The following SORD variants were observed in gnomAD, a reference collection of about 807,000 sequenced individuals.
SORD encodes the protein (R,R)-butanediol dehydrogenase.
A neutral mutation model predicts 35.6 loss-of-function variants in SORD; 18 were observed. The observed-to-expected ratio is 0.51, with a 90% CI of 0.35 to 0.75. The LOEUF (loss-of-function observed/expected upper bound fraction) is 0.75, where lower values mean the gene tolerates loss of function less well. Among genes scored for constraint, SORD ranks in the 30% least tolerant of loss-of-function variants. The probability of loss-of-function intolerance (pLI) is 0.01; values close to 1 mark genes in which losing one functional copy is unlikely to be tolerated. For missense variants in SORD, 250 were observed against 390.2 expected (o/e 0.64, Z 3.03); for synonymous variants, 106 against 152.9 (o/e 0.69, Z 2.26).
intron 1 of SORD, among the ~76,000 whole-genome samples, chr15:45,029,920 A>G (rs202240079): frequency 0.21 from 31,172 of 150,732 alleles, no homozygotes; most frequent in African/African-American, 0.44. Flanking sequence ...GGCACAGGAT[A>G]GGAAGTGCGT....
chr15:45,025,099 T>G (rs1482242010), intron 1 of SORD, among the ~76,000 whole-genome samples: 1 of 152,206 alleles, frequency 6.6e-6, no homozygotes, highest in Non-Finnish European at 1.5e-5. Context: ...AGCTTTGCAT[T>G]AGAACCCACT....
At chr15:45,053,517 C>T (rs990404637) in intron 3 of SORD, among the ~76,000 whole-genome samples, 21 of 152,128 alleles carry the variant, frequency 1.4e-4, no homozygotes, top group African/African-American at 5.1e-4. Flanking sequence ...TTTTTTCTGC[C>T]TCATTCTAAA....
At chr15:45,025,737 A>G (rs1892658319) in intron 1 of SORD, among the ~76,000 whole-genome samples, 1 of 152,026 alleles carries the variant, frequency 6.6e-6, no homozygotes, top group Non-Finnish European at 1.5e-5. Context: ...GTGGAAATGT[A>G]AACTCAGGAG....
At chr15:45,034,034 G>A (rs202175712) in intron 1 of SORD, among the ~76,000 whole-genome samples, 3,498 of 139,324 alleles carry the variant, frequency 0.025, no homozygotes, top group East Asian at 0.18. Flanking sequence ...GTGGCCTCCT[G>A]TAATTTCTAT....
At chr15:45,056,594 A>G (rs968248161) in intron 3 of SORD, among the ~76,000 whole-genome samples, 3 of 152,200 alleles carry the variant, frequency 2.0e-5, no homozygotes, top group Admixed American at 2.0e-4. Context: ...TTGAATTTCT[A>G]TATTTCCCAT....
At chr15:45,031,347 G>A (rs77922744) in intron 1 of SORD, among the ~76,000 whole-genome samples, 3,302 of 151,916 alleles carry the variant, frequency 0.022, 95 homozygotes, top group South Asian at 0.1. Flanking sequence ...AAACAACAGG[G>A]AATGAACCGT....
chr15:45,047,081 A>G (rs1893056835), intron 3 of SORD: 1 of 151,900 alleles, frequency 6.6e-6, no homozygotes, highest in Non-Finnish European at 1.5e-5. Flanking sequence ...ACTCTAAGGC[A>G]TGGAAGCATT....
At chr15:45,035,267 G>C (rs1275194831) in intron 1 of SORD, among the ~76,000 whole-genome samples, 1 of 152,198 alleles carries the variant, frequency 6.6e-6, no homozygotes, top group South Asian at 2.1e-4. Flanking sequence ...GCCCCAGTGC[G>C]AGATCCACTG....
intron 1 of SORD, among the ~76,000 whole-genome samples, 163 bp from the exon 2 acceptor site, chr15:45,040,245 G>A (rs569880297): frequency 5.9e-5 from 9 of 152,000 alleles, no homozygotes; most frequent in East Asian, 1.9e-4. Context: ...GCCATTTAGC[G>A]TATCCCCTCA....
rs147347000 is a variant in SORD, at chr15:45,053,120, A to C, written c.266-7947A>C. ...AGCAAAGTCTTCTATTTGAAAATGA[A>C]AGGCAAGTACTACTGTTACTTGCCT... On this transcript the variant is annotated intron_variant, in intron 3 of 8. Coordinates refer to ENST00000267814, the MANE Select transcript of SORD (RefSeq NM_003104.6). Among the ~76,000 whole-genome samples the C allele has an allele frequency of 2.9e-3, 438 of 152,270 alleles. 3 individuals are homozygous for C. Among genetic ancestry groups the C allele is most frequent in the African/African-American group, 0.01 (427 of 41,552 alleles).
At chr15:45,042,026 C>A (rs1892974084) in intron 2 of SORD, among the ~76,000 whole-genome samples, 1 of 152,164 alleles carries the variant, frequency 6.6e-6, no homozygotes, top group Non-Finnish European at 1.5e-5. Flanking sequence ...TGAAGAGCCA[C>A]CCCTGGCAGT....
At chr15:45,045,621 G>C (rs1309631090) in intron 3 of SORD, among the ~76,000 whole-genome samples, 3 of 150,378 alleles carry the variant, frequency 2.0e-5, no homozygotes. Flanking sequence ...TCTGGGTACA[G>C]ATAAGTCTGT....
At chr15:45,057,095 TG>T (rs1397416763) in intron 3 of SORD, among the ~76,000 whole-genome samples, 2 of 152,262 alleles carry the variant, frequency 1.3e-5, no homozygotes, top group East Asian at 3.8e-4. Context: ...TAAAGTTACC[TG>T]CTGTTAGCTT....
chr15:45,056,434 G>T (rs570114390), intron 3 of SORD, among the ~76,000 whole-genome samples: 1 of 152,162 alleles, frequency 6.6e-6, no homozygotes, highest in African/African-American at 2.4e-5. Context: ...TACAAGGGAC[G>T]TGAAGGACCT....
At chr15:45,045,143 A>G (rs1893026534) in intron 3 of SORD, among the ~76,000 whole-genome samples, 1 of 152,208 alleles carries the variant, frequency 6.6e-6, no homozygotes, top group Non-Finnish European at 1.5e-5. Flanking sequence ...TTTGGACTCT[A>G]GAGCAAGTGC....
rs537810612 is a variant in SORD at position 45,030,981 on chromosome 15, C to G, written c.66+7632C>G. Among the ~76,000 whole-genome samples, 53 of 152,346 alleles carry G rather than the reference C, an allele frequency of 3.5e-4. 1 individual carries two copies. In the South Asian group the frequency reaches 1.0e-2, roughly 29 times the overall value. On this transcript the variant is annotated intron_variant, in intron 1 of 8. Coordinates refer to ENST00000267814, the MANE Select transcript of SORD (RefSeq NM_003104.6). ...ACTCAATGGCCAATTAAATGTGAGG[C>G]TTTCACATACCAACGATCATGCAAA...
intron 1 of SORD, among the ~76,000 whole-genome samples, chr15:45,026,309 T>C (rs1348180802): frequency 6.6e-6 from 1 of 152,158 alleles, no homozygotes; most frequent in Non-Finnish European, 1.5e-5. Context: ...GAACCACCCA[T>C]TTTCCTCTCT....
At chr15:45,064,985 AC>A (rs1431237836) in intron 4 of SORD, among the ~76,000 whole-genome samples, 1 of 151,864 alleles carries the variant, frequency 6.6e-6, no homozygotes, top group Non-Finnish European at 1.5e-5. Context: ...TCTAATTTGA[AC>A]CCTTTGGGCC....
intron 3 of SORD, among the ~76,000 whole-genome samples, chr15:45,052,523 TG>T (rs1893141451): frequency 6.6e-6 from 1 of 152,170 alleles, no homozygotes; most frequent in Admixed American, 6.5e-5. Context: ...CTAGGTGGCA[TG>T]GTAGGGACTG....
Sources: allele counts gnomAD v4.1 joint callset (sites outside exome capture counted in the v4.1 genomes callset), GRCh38; gene constraint gnomAD v4.1.1; transcripts MANE v1.5; gene names NCBI Gene and HGNC (gene_info 2026-07-23, HGNC 2026-07-21).